The following WDPCP variants were observed in gnomAD, a reference collection of about 807,000 sequenced individuals.
The protein encoded by WDPCP is WD repeat-containing and planar cell polarity effector protein fritz homolog.
Under a neutral mutation model 93.1 loss-of-function variants are expected in WDPCP, and 71 were observed. That is an observed-to-expected ratio of 0.76 (90% confidence interval 0.63 to 0.93). The LOEUF is 0.93. Among genes scored for constraint, WDPCP ranks in the 40% least tolerant of loss-of-function variants. The pLI, the probability that WDPCP is intolerant of heterozygous loss-of-function variation, is 0.00. For synonymous variants in WDPCP, 315 were observed against 315.0 expected (o/e 1.00, Z 0.00); for missense variants, 844 against 887.4 (o/e 0.95, Z 0.62).
rs1709028591 is a variant in WDPCP, at chr2:63,588,374, C to T, written c.-103G>A. 1 of 1,357,048 alleles carries T rather than the reference C, an allele frequency of 7.4e-7. No homozygotes were observed. The highest frequency in any genetic ancestry group is 1.0e-6 in the Non-Finnish European group (1 of 970,246). The allele number at this position is 1,357,048 out of a possible 1,614,324, so 84.1% of individuals were successfully genotyped here. A position where few individuals can be genotyped will look rare whatever the true frequency, so the allele number is the denominator to read the frequency against. On this transcript the variant is annotated 5_prime_UTR_variant, in exon 1 of 18. Coordinates refer to ENST00000272321, the MANE Select transcript of WDPCP (RefSeq NM_015910.7). The stretch of plus-strand genomic sequence containing the variant: ...TCTTGGGTCTCCAGGACGCCGCCGC[C>T]GCCGCCACAGTTTCCTCAGGTGCTA...
chr2:63,835,156 G>A, the WDPCP span, among the ~76,000 whole-genome samples: 4 of 151,754 alleles, frequency 2.6e-5, no homozygotes, highest in African/African-American at 9.7e-5. Flanking sequence ...GGAGGCCGAG[G>A]TGGGCGGATC....
At chr2:63,192,051 C>A (rs541616416) in intron 14 of WDPCP, among the ~76,000 whole-genome samples, 1 of 152,138 alleles carries the variant, frequency 6.6e-6, no homozygotes, top group Non-Finnish European at 1.5e-5. Context: ...AAAGGAAAAG[C>A]TCTCCTTACC....
chr2:63,445,781 A>C (rs1355352281), intron 6 of WDPCP, among the ~76,000 whole-genome samples: 3 of 152,218 alleles, frequency 2.0e-5, no homozygotes, highest in African/African-American at 7.2e-5. Context: ...GGTGAGAAGT[A>C]AAGAGAAAGG....
chr2:63,261,676 G>A (rs1301103120), intron 13 of WDPCP, among the ~76,000 whole-genome samples: 2 of 152,054 alleles, frequency 1.3e-5, no homozygotes, highest in Non-Finnish European at 2.9e-5. Flanking sequence ...CACAAAAATT[G>A]TCCTCTTTTA....
chr2:63,781,675 C>G (rs1479091425), intron 2 of WDPCP, among the ~76,000 whole-genome samples: 1 of 152,102 alleles, frequency 6.6e-6, no homozygotes, highest in Non-Finnish European at 1.5e-5. Flanking sequence ...CCAACAGAAG[C>G]AGGTATAAGA....
chr2:63,420,837 C>T (rs891408443), intron 9 of WDPCP, among the ~76,000 whole-genome samples: 2 of 152,242 alleles, frequency 1.3e-5, no homozygotes, highest in East Asian at 3.9e-4. Flanking sequence ...TAGAGCATTC[C>T]ACCCTCTGAA....
chr2:63,751,067 T>C (rs1669871727), intron 2 of WDPCP, among the ~76,000 whole-genome samples: 1 of 152,278 alleles, frequency 6.6e-6, no homozygotes, highest in Middle Eastern at 3.4e-3. Context: ...TCAGTGAATG[T>C]TCATCAGTGA....
chr2:63,409,062 A>G (rs983612255), intron 9 of WDPCP, among the ~76,000 whole-genome samples: 2 of 152,200 alleles, frequency 1.3e-5, no homozygotes, highest in East Asian at 1.9e-4. Context: ...TGCTCTCTGG[A>G]AAGCGCCACC....
chr2:63,128,483 A>G (rs111941955), intron 17 of WDPCP, among the ~76,000 whole-genome samples: 1 of 151,992 alleles, frequency 6.6e-6, no homozygotes, highest in Non-Finnish European at 1.5e-5. Flanking sequence ...TATTGTGGTA[A>G]AATATATTTA....
chr2:63,755,882 C>T (rs1669960865), intron 2 of WDPCP, among the ~76,000 whole-genome samples: 1 of 152,234 alleles, frequency 6.6e-6, no homozygotes, highest in South Asian at 2.1e-4. Context: ...TCTATCCCTT[C>T]TTTAAGAATC....
chr2:63,245,122 C>T (rs183689922), intron 14 of WDPCP, among the ~76,000 whole-genome samples: 388 of 152,200 alleles, frequency 2.5e-3, no homozygotes, highest in African/African-American at 9.2e-3. Flanking sequence ...GACTTTCCCC[C>T]GCCCCCTCAG....
intron 2 of WDPCP, among the ~76,000 whole-genome samples, chr2:63,757,993 T>G (rs1320189376): frequency 2.0e-5 from 3 of 152,246 alleles, no homozygotes; most frequent in Non-Finnish European, 4.4e-5. Flanking sequence ...GGCAGTAGAC[T>G]TTTATTAACA....
intron 2 of WDPCP, among the ~76,000 whole-genome samples, chr2:63,677,788 T>C (rs1710441808): frequency 6.6e-6 from 1 of 152,132 alleles, no homozygotes; most frequent in African/African-American, 2.4e-5. Flanking sequence ...CTAAAGGAAA[T>C]ATGAAAGAGT....
chr2:63,727,714 G>A (rs1270314319), intron 2 of WDPCP, among the ~76,000 whole-genome samples: 2 of 152,084 alleles, frequency 1.3e-5, no homozygotes, highest in Non-Finnish European at 2.9e-5. Context: ...TTTCATTACT[G>A]ATTCAATTTC....
rs576970478 is a variant in WDPCP, at chr2:63,620,539, A to G, written n.488+30120T>C. Among the ~76,000 whole-genome samples, 3 of 152,294 alleles carry G rather than the reference A, an allele frequency of 2.0e-5. No homozygotes were observed. The East Asian group carries it at 5.8e-4, about 29-fold the overall frequency. On this transcript the variant is annotated intron_variant and non_coding_transcript_variant, in intron 3 of 4. Coordinates refer to the WDPCP transcript ENST00000467687. Reference sequence around the variant, plus strand: ...CAGCCCCCGTCAGGGGCTTACAGATAAAATTCCCATCTCCCTGGGACAGAG... The same window carrying G: ...CAGCCCCCGTCAGGGGCTTACAGATGAAATTCCCATCTCCCTGGGACAGAG...
intron 2 of WDPCP, among the ~76,000 whole-genome samples, chr2:63,665,006 G>C (rs182094755): frequency 6.6e-6 from 1 of 152,324 alleles, no homozygotes; most frequent in East Asian, 1.9e-4. Context: ...CATTTAGGGA[G>C]CAGATAGAGA....
chr2:63,470,580 T>C (rs1000196381), intron 6 of WDPCP, among the ~76,000 whole-genome samples: 1 of 152,124 alleles, frequency 6.6e-6, no homozygotes, highest in Non-Finnish European at 1.5e-5. Context: ...CATCACACCT[T>C]ACCCTGGACT....
At chr2:63,738,515 A>C (rs1050859107) in intron 2 of WDPCP, among the ~76,000 whole-genome samples, 3 of 152,096 alleles carry the variant, frequency 2.0e-5, no homozygotes, top group African/African-American at 7.2e-5. Flanking sequence ...CAAATGAGAA[A>C]GCAATTTCAT....
chr2:63,596,613 T>A (rs981879236), intron 3 of WDPCP, among the ~76,000 whole-genome samples: 2 of 152,254 alleles, frequency 1.3e-5, no homozygotes, highest in South Asian at 4.2e-4. Flanking sequence ...TAATTTTTTT[T>A]TCTCCAACTG....
Sources: allele counts gnomAD v4.1 joint callset (sites outside exome capture counted in the v4.1 genomes callset), GRCh38; gene constraint gnomAD v4.1.1; transcripts MANE v1.5; gene names NCBI Gene and HGNC (gene_info 2026-07-23, HGNC 2026-07-21).